MMUT: variants seen among roughly 807,000 people sequenced by gnomAD.
MMUT encodes the protein methylmalonyl-CoA mutase, mitochondrial.
Under a neutral mutation model 79.9 loss-of-function variants are expected in MMUT, and 79 were observed. The observed-to-expected ratio is 0.99, with a 90% CI of 0.82 to 1.19. The LOEUF (loss-of-function observed/expected upper bound fraction) is 1.19. MMUT is among the 50% of genes most tolerant of loss of function. The probability of loss-of-function intolerance (pLI) is 0.00; values close to 1 mark genes in which losing one functional copy is unlikely to be tolerated. For synonymous variants in MMUT, 273 were observed against 295.7 expected (o/e 0.92, Z 0.79); for missense variants, 860 against 917.2 (o/e 0.94, Z 0.81).
In MMUT at chr6:49,431,231, C is replaced by T. The variant is rs1297320007; in HGVS notation, c.*497G>A. ...TTAAGGTGATTCTGGTAGAATTTGG[C>T]TGAGGACTCCTCCCAAAATCTCTTT... On this transcript the variant is annotated 3_prime_UTR_variant, in exon 13 of 13. Coordinates refer to ENST00000274813, the MANE Select transcript of MMUT (RefSeq NM_000255.4). The T allele has an allele frequency of 6.6e-6, 1 of 152,468 alleles. No homozygotes were observed. The highest frequency in any genetic ancestry group is 2.4e-5 in the African/African-American group (1 of 41,422). 9.4% of individuals were successfully genotyped at this position (152,468 alleles called of 1,614,324 possible). A position where few individuals can be genotyped will look rare whatever the true frequency, so the allele number is the denominator to read the frequency against.
chr6:49,443,133 T>C (rs1438681033), intron 9 of MMUT, among the ~76,000 whole-genome samples: 2 of 152,184 alleles, frequency 1.3e-5, no homozygotes, highest in Non-Finnish European at 2.9e-5. Flanking sequence ...CACTTGCTTT[T>C]CTGCACATCC....
At position 49,449,672 on chromosome 6, in the gene MMUT, G is replaced by A. The variant is rs145497040; in HGVS notation, c.1333-745C>T. Among the ~76,000 whole-genome samples the A allele has an allele frequency of 3.1e-3, 470 of 152,024 alleles. 2 individuals are homozygous for A. Among genetic ancestry groups the A allele is most frequent in the African/African-American group, 0.011 (445 of 41,488 alleles). On this transcript the variant is annotated intron_variant, in intron 6 of 12. Coordinates refer to ENST00000274813, the MANE Select transcript of MMUT (RefSeq NM_000255.4). Reference sequence around the variant, plus strand: ...AATAAAAGCCTGTACTCTGACTAAAGACTAAAAACAAAAAGCACAGAGAGA... The same window carrying A: ...AATAAAAGCCTGTACTCTGACTAAAAACTAAAAACAAAAAGCACAGAGAGA...
chr6:49,455,234 G>C (rs770528109), intron 4 of MMUT, among the ~76,000 whole-genome samples: 1 of 152,080 alleles, frequency 6.6e-6, no homozygotes, highest in Non-Finnish European at 1.5e-5. Context: ...ATCTGTTTCT[G>C]CAATCTGTTG....
At chr6:49,458,093 G>A (rs1336174779) in intron 2 of MMUT, 35 bp from the exon 3 acceptor site, 1 of 1,592,938 alleles carries the variant, frequency 6.3e-7, no homozygotes, top group Non-Finnish European at 8.5e-7. Flanking sequence ...TAAGATTCAA[G>A]AGTCTGGAAT....
At chr6:49,458,118 T>A in intron 2 of MMUT, 60 bp from the exon 3 acceptor site, 2 of 1,541,440 alleles carry the variant, frequency 1.3e-6, no homozygotes, top group South Asian at 2.3e-5. Flanking sequence ...GTAAAATGAT[T>A]TACTTTTAAC....
intron 7 of MMUT, 50 bp from the exon 8 acceptor site, chr6:49,447,835 T>TG: frequency 2.0e-6 from 2 of 997,968 alleles, no homozygotes; most frequent in Non-Finnish European, 3.2e-6. Context: ...TACCTAATTG[T>TG]AATGCTCTGG....
Position 49,430,704 on chromosome 6 carries a change from C to T in MMUT, c.*1024G>A, listed in dbSNP as rs1180947687. ...AAAAGATAATTATTTATGTTATATT[C>T]ATGTAATGGATCATGTTAACAATAA... On this transcript the variant is annotated 3_prime_UTR_variant, in exon 13 of 13. Coordinates refer to ENST00000274813, the MANE Select transcript of MMUT (RefSeq NM_000255.4). The T allele has an allele frequency of 6.6e-6, 1 of 152,096 alleles. No individual in the cohort carries two copies. Among genetic ancestry groups the T allele is most frequent in the Admixed American group, 6.5e-5 (1 of 15,272 alleles). The allele number at this position is 152,096 out of a possible 1,614,324, so 9.4% of individuals were successfully genotyped here. A position where few individuals can be genotyped will look rare whatever the true frequency, so the allele number is the denominator to read the frequency against.
In MMUT at chr6:49,451,724, T is replaced by C. The variant is rs777031588; in HGVS notation, c.1084-10A>G. On this transcript the variant is annotated splice_polypyrimidine_tract_variant and intron_variant, in intron 5 of 12. Transcript: ENST00000274813. ...TATTATTGTAGGGATCCTAAAATAT[T>C]TGATAAAAAACAAAAACTCAAAGAA... The C allele has an allele frequency of 2.0e-5, 32 of 1,613,178 alleles. No homozygotes were observed. The Middle Eastern group carries it at 4.9e-4, about 25-fold the overall frequency.
Position 49,453,657 on chromosome 6 carries a change from A to T in MMUT, c.1011T>A (p.Phe337Leu), listed in dbSNP as rs1581831934. ...RLWAHLIEKM[F>L]QPKNSKSLLL... ...GAAGAGATTTTGAGTTTTTAGGCTG[A>T]AACATTTTCTCTATTAAGTGAGCCC... Residue 337 changes from phenylalanine (F) to leucine (L), a missense_variant, in exon 5 of 13, where the codon TTT becomes TTA. By Grantham distance (22) the Phe-to-Leu change is conservative. Coordinates refer to ENST00000274813, the MANE Select transcript of MMUT (RefSeq NM_000255.4). 1 of 1,613,320 alleles carries T rather than the reference A, an allele frequency of 6.2e-7. No homozygotes were observed. Among genetic ancestry groups the T allele is most frequent in the Non-Finnish European group, 8.5e-7 (1 of 1,179,544 alleles).
At chr6:49,461,266 T>G (rs1043783668) in intron 1 of MMUT, among the ~76,000 whole-genome samples, 1 of 152,204 alleles carries the variant, frequency 6.6e-6, no homozygotes, top group African/African-American at 2.4e-5. Context: ...ATATTCTGTT[T>G]GTGGAAATTC....
At chr6:49,454,667 C>G (rs916718256) in intron 4 of MMUT, among the ~76,000 whole-genome samples, 1 of 152,186 alleles carries the variant, frequency 6.6e-6, no homozygotes, top group Non-Finnish European at 1.5e-5. Flanking sequence ...TCCCTTTCTA[C>G]TCTTAAAACT....
intron 11 of MMUT, 45 bp downstream of exon 11, chr6:49,440,161 T>TGA: frequency 6.2e-7 from 1 of 1,606,358 alleles, no homozygotes; most frequent in South Asian, 1.1e-5. Context: ...TAAATGTAAG[T>TGA]GACTAGTAAA....
At position 49,453,907 on chromosome 6, in the gene MMUT, T is replaced by G. The variant is rs1767622545; in HGVS notation, c.912-151A>C. On this transcript the variant is annotated intron_variant, in intron 4 of 12. Transcript: ENST00000274813. ...ATTAAGATCAGTGCACGTACATTTA[T>G]GTAACTTTAAACCTAACATAAAATT... The G allele has an allele frequency of 4.6e-6, 3 of 651,708 alleles. No individual in the cohort carries two copies. In the East Asian group the frequency reaches 8.6e-5, roughly 19 times the overall value. 40.4% of individuals were successfully genotyped at this position (651,708 alleles called of 1,614,324 possible). A position where few individuals can be genotyped will look rare whatever the true frequency, so the allele number is the denominator to read the frequency against.
At position 49,459,292 on chromosome 6, in the gene MMUT, G is replaced by A. The variant is rs767154952; in HGVS notation, c.175C>T (p.Leu59=). The A allele has an allele frequency of 6.2e-7, 1 of 1,614,168 alleles. No individual in the cohort carries two copies. The highest frequency in any genetic ancestry group is 8.5e-7 in the Non-Finnish European group (1 of 1,180,032). Residue 59 remains leucine, a synonymous_variant, in exon 2 of 13, where the codon CTA becomes TTA. Coordinates refer to ENST00000274813, the MANE Select transcript of MMUT (RefSeq NM_000255.4). ...ATCCCTTCCGGGGTGTGCCATATTAGGTCTTCTGGGTTTTTGCCTTTCAGC... is the reference window on the plus strand; with the variant it reads ...ATCCCTTCCGGGGTGTGCCATATTAAGTCTTCTGGGTTTTTGCCTTTCAGC... ...KQLKGKNPED[L]IWHTPEGISI... is the part of the protein sequence containing the mutation.
At chr6:49,455,637 A>G (rs1239090300) in intron 4 of MMUT, among the ~76,000 whole-genome samples, 1 of 152,186 alleles carries the variant, frequency 6.6e-6, no homozygotes, top group Non-Finnish European at 1.5e-5. Context: ...AAGTTTTCCC[A>G]TATTTTTCAT....
intron 5 of MMUT, 65 bp from the exon 6 acceptor site, chr6:49,451,779 G>A: frequency 1.0e-5 from 15 of 1,498,798 alleles, no homozygotes; most frequent in Non-Finnish European, 1.4e-5. Context: ...ACTATAAACA[G>A]CAACATGATT....
intron 6 of MMUT, among the ~76,000 whole-genome samples, chr6:49,449,827 A>ATATAATACATGAATGTATATATT (rs1767503602): frequency 6.6e-6 from 1 of 152,172 alleles, no homozygotes; most frequent in Non-Finnish European, 1.5e-5. Flanking sequence ...GAAAACAAAA[A>ATATAATACATGAATGTATATATT]TGAGCTCTAC....
chr6:49,450,123 C>T lies in MMUT; in HGVS notation c.1333-1196G>A, dbSNP rs192197080. Among the ~76,000 whole-genome samples, 633 of 151,066 alleles carry T rather than the reference C, an allele frequency of 4.2e-3. 2 individuals are homozygous for T. The highest frequency in any genetic ancestry group is 7.1e-3 in the Admixed American group (107 of 15,118). On this transcript the variant is annotated intron_variant, in intron 6 of 12. Coordinates refer to ENST00000274813, the MANE Select transcript of MMUT (RefSeq NM_000255.4). ...GTGTGTGCCTGTAATCCCAGCTACTCGGGAGGCTGAGACAGGAGAATCGCT... is the reference window on the plus strand; with the variant it reads ...GTGTGTGCCTGTAATCCCAGCTACTTGGGAGGCTGAGACAGGAGAATCGCT...
intron 5 of MMUT, 89 bp downstream of exon 5, chr6:49,453,496 A>G (rs1767607983): frequency 1.2e-5 from 7 of 588,182 alleles, no homozygotes; most frequent in Non-Finnish European, 1.9e-5. Flanking sequence ...ATAGCTTCTT[A>G]ATTCTATTTC....
Sources: gnomAD v4.1 joint callset for allele counts (sites outside exome capture counted in the v4.1 genomes callset) on GRCh38, gnomAD v4.1.1 for gene constraint, MANE v1.5 for transcripts, NCBI Gene and HGNC (gene_info 2026-07-23, HGNC 2026-07-21) for gene names.